Variants in PREX2 observed in about 807,000 individuals in gnomAD.
PREX2 encodes phosphatidylinositol 3,4,5-trisphosphate-dependent Rac exchanger 2 protein.
PREX2 carries 107 observed loss-of-function variants against 203.2 expected under a neutral mutation model. That is an observed-to-expected ratio of 0.53 (90% CI 0.45 to 0.62). PREX2 has a LOEUF of 0.62. Among genes scored for constraint, PREX2 ranks in the 20% least tolerant of loss-of-function variants. PREX2 has a pLI of 0.00. For missense variants in PREX2, 1,777 were observed against 1,955.9 expected (o/e 0.91, Z 1.72); for synonymous variants, 672 against 663.6 (o/e 1.01, Z -0.19).
chr8:68,129,441 C>A (rs867914373), intron 31 of PREX2, among the ~76,000 whole-genome samples: 24 of 152,212 alleles, frequency 1.6e-4, no homozygotes, highest in Middle Eastern at 3.4e-3. Flanking sequence ...AAAACAGGAG[C>A]CAAAATACTT....
At position 68,077,409 on chromosome 8, in the gene PREX2, A is replaced by T; in HGVS notation, c.1582A>T (p.Thr528Ser). 1 of 1,613,518 alleles carries T rather than the reference A, an allele frequency of 6.2e-7. No individual in the cohort carries two copies. The highest frequency in any genetic ancestry group is 8.5e-7 in the Non-Finnish European group (1 of 1,179,446). Residue 528 changes from threonine (T) to serine (S), a missense_variant, in exon 15 of 40, where the codon ACC (threonine) becomes TCC (serine). Physicochemically the swap from Thr to Ser is moderately conservative, Grantham distance 58. Coordinates refer to ENST00000288368, the MANE Select transcript of PREX2 (RefSeq NM_024870.4). Reference sequence around the variant, plus strand: ...TTTTGGTTAACAGGGAGATTGCCGCACCAGAGAAGAGGCAATGATATTTGG... The same window carrying T: ...TTTTGGTTAACAGGGAGATTGCCGCTCCAGAGAAGAGGCAATGATATTTGG... ...DWLIAQGDCR[T>S]REEAMIFGVG...
chr8:68,113,040 T>C (rs922622329), intron 25 of PREX2, among the ~76,000 whole-genome samples: 1 of 152,226 alleles, frequency 6.6e-6, no homozygotes, highest in Non-Finnish European at 1.5e-5. Context: ...TTTTAATTAA[T>C]GGACCTCTAG....
At chr8:68,199,482 A>C (rs1812461841) in intron 37 of PREX2, among the ~76,000 whole-genome samples, 1 of 152,198 alleles carries the variant, frequency 6.6e-6, no homozygotes, top group Non-Finnish European at 1.5e-5. Context: ...TCTCCCACTA[A>C]CAGAAACTAA....
At chr8:68,130,282 G>GCC (rs1810980888) in intron 31 of PREX2, among the ~76,000 whole-genome samples, 1 of 151,462 alleles carries the variant, frequency 6.6e-6, no homozygotes, top group Non-Finnish European at 1.5e-5. Context: ...AGAGCAAGAT[G>GCC]CTCTCTTAAA....
intron 31 of PREX2, among the ~76,000 whole-genome samples, chr8:68,130,380 A>G (rs2129613321): frequency 6.6e-6 from 1 of 152,296 alleles, no homozygotes; most frequent in Non-Finnish European, 1.5e-5. Flanking sequence ...GAATGGTTGC[A>G]TAATTGAAAG....
intron 35 of PREX2, among the ~76,000 whole-genome samples, chr8:68,170,087 G>C (rs1376940124): frequency 1.3e-5 from 2 of 152,172 alleles, no homozygotes; most frequent in Non-Finnish European, 2.9e-5. Flanking sequence ...TCTTGGGTAA[G>C]ATCTTCCCAG....
At chr8:68,059,267 G>A (rs1227371075) in intron 10 of PREX2, among the ~76,000 whole-genome samples, 3 of 149,114 alleles carry the variant, frequency 2.0e-5, no homozygotes, top group South Asian at 2.1e-4. Context: ...TCTGTATTTA[G>A]TGTTCTCTTA....
chr8:68,113,411 G>T (rs1810574934), intron 25 of PREX2, among the ~76,000 whole-genome samples: 1 of 152,148 alleles, frequency 6.6e-6, no homozygotes, highest in Non-Finnish European at 1.5e-5. Context: ...TCATCTGTCT[G>T]TGCAGCATGG....
chr8:68,122,299 T>C (rs1444929776), intron 30 of PREX2, among the ~76,000 whole-genome samples: 1 of 152,090 alleles, frequency 6.6e-6, no homozygotes, highest in Non-Finnish European at 1.5e-5. Context: ...AGTGATTCTA[T>C]CTTGCGATAA....
intron 1 of PREX2, among the ~76,000 whole-genome samples, chr8:68,005,723 T>C (rs1807075663): frequency 6.6e-6 from 1 of 152,224 alleles, no homozygotes; most frequent in Admixed American, 6.5e-5. Flanking sequence ...TTTATTTTTC[T>C]TCGTAGTATG....
chr8:68,089,897 A>G (rs1459728588), intron 19 of PREX2, among the ~76,000 whole-genome samples: 1 of 152,206 alleles, frequency 6.6e-6, no homozygotes, highest in Non-Finnish European at 1.5e-5. Context: ...TCAAATAACA[A>G]TAATTGGAAG....
intron 37 of PREX2, among the ~76,000 whole-genome samples, chr8:68,203,201 C>T (rs1397499471): frequency 6.6e-6 from 1 of 152,146 alleles, no homozygotes; most frequent in Non-Finnish European, 1.5e-5. Context: ...TAGTGCTTTA[C>T]CAGCTGTCTG....
intron 1 of PREX2, among the ~76,000 whole-genome samples, chr8:67,978,333 A>C (rs538835591): frequency 2.0e-5 from 3 of 152,282 alleles, no homozygotes; most frequent in Admixed American, 1.3e-4. Context: ...GGGACAGAAT[A>C]TTGCCAGCAC....
chr8:68,214,755 G>A (rs149265361), intron 37 of PREX2, among the ~76,000 whole-genome samples: 3 of 152,324 alleles, frequency 2.0e-5, no homozygotes, highest in South Asian at 2.1e-4. Context: ...TCTTTCGCAT[G>A]CTTAGTTTAG....
chr8:68,047,262 G>A (rs1808379912), intron 8 of PREX2, among the ~76,000 whole-genome samples: 1 of 151,686 alleles, frequency 6.6e-6, no homozygotes, highest in South Asian at 2.1e-4. Flanking sequence ...TTTTAAGTCT[G>A]CTATATTTTT....
intron 35 of PREX2, among the ~76,000 whole-genome samples, chr8:68,190,696 T>C (rs1261445864): frequency 6.6e-6 from 1 of 152,036 alleles, no homozygotes; most frequent in African/African-American, 2.4e-5. Context: ...AATCCCACCA[T>C]TATGTAATAT....
intron 1 of PREX2, among the ~76,000 whole-genome samples, chr8:67,984,433 GA>G (rs1806356316): frequency 6.6e-6 from 1 of 152,200 alleles, no homozygotes; most frequent in South Asian, 2.1e-4. Context: ...ATGAAATCCA[GA>G]GTATGTTATC....
At chr8:68,144,253 T>G (rs1811282573) in intron 33 of PREX2, among the ~76,000 whole-genome samples, 1 of 152,190 alleles carries the variant, frequency 6.6e-6, no homozygotes, top group Non-Finnish European at 1.5e-5. Flanking sequence ...TACTTGGTGT[T>G]TCACTGACAT....
intron 31 of PREX2, among the ~76,000 whole-genome samples, chr8:68,133,104 GA>G (rs1236434489): frequency 1.3e-5 from 2 of 152,178 alleles, no homozygotes; most frequent in Non-Finnish European, 2.9e-5. Flanking sequence ...GGAGAAGGCA[GA>G]AGGGGAAGGA....
Sources: gnomAD v4.1 joint callset for allele counts (sites outside exome capture counted in the v4.1 genomes callset) on GRCh38, gnomAD v4.1.1 for gene constraint, MANE v1.5 for transcripts, NCBI Gene and HGNC (gene_info 2026-07-23, HGNC 2026-07-21) for gene names.